DCPH1: variants seen among roughly 807,000 people sequenced by gnomAD.
The protein encoded by DCPH1 is damage-control phosphatase 1.
the DCPH1 span, among the ~76,000 whole-genome samples, chr6:151,455,964 C>T: frequency 6.6e-6 from 1 of 152,370 alleles, no homozygotes; most frequent in South Asian, 2.1e-4. Context: ...TGCCTTCAAG[C>T]ATCTGTTTAA....
the DCPH1 span, chr6:151,454,555 G>A: frequency 6.9e-7 from 1 of 1,449,708 alleles, no homozygotes; most frequent in Non-Finnish European, 9.7e-7. Context: ...TAGATCATTT[G>A]CATATCTTAC....
At chr6:151,466,465 A>C in the DCPH1 span, among the ~76,000 whole-genome samples, 1 of 152,130 alleles carries the variant, frequency 6.6e-6, no homozygotes, top group Non-Finnish European at 1.5e-5. Flanking sequence ...TCACACTGTC[A>C]CTGTGCTCCC....
At chr6:151,455,383 A>G in the DCPH1 span, among the ~76,000 whole-genome samples, 3 of 152,232 alleles carry the variant, frequency 2.0e-5, no homozygotes, top group Non-Finnish European at 4.4e-5. Flanking sequence ...CTTAGTATTT[A>G]TTGATCATTC....
the DCPH1 span, chr6:151,458,344 A>G: frequency 6.2e-7 from 1 of 1,611,860 alleles, no homozygotes; most frequent in South Asian, 1.1e-5. Context: ...GTGGAAGCTG[A>G]AAAGAAAGCT....
At chr6:151,452,605 C>T in the DCPH1 span, 2 of 1,599,486 alleles carry the variant, frequency 1.3e-6, no homozygotes, top group African/African-American at 1.4e-5. Flanking sequence ...AGCTTTTCTC[C>T]TCCCCACTTT....
chr6:151,465,255 G>T, the DCPH1 span, among the ~76,000 whole-genome samples: 18 of 152,268 alleles, frequency 1.2e-4, no homozygotes, highest in African/African-American at 3.9e-4. Context: ...CACATTATTA[G>T]AATCAGAACT....
the DCPH1 span, chr6:151,452,746 C>T: frequency 1.4e-6 from 1 of 694,750 alleles, no homozygotes; most frequent in East Asian, 3.2e-5. Flanking sequence ...CGCGGACTGG[C>T]TCGGAGGCGA....
the DCPH1 span, chr6:151,464,565 A>G: frequency 1.2e-5 from 20 of 1,611,454 alleles, no homozygotes; most frequent in Admixed American, 1.7e-5. Flanking sequence ...GATAAGAACT[A>G]TTGAAGACCT....
chr6:151,461,777 G>A, the DCPH1 span, among the ~76,000 whole-genome samples: 47 of 152,322 alleles, frequency 3.1e-4, no homozygotes, highest in East Asian at 7.9e-3. Flanking sequence ...GGAAGCTCAG[G>A]GAGTGATGAT....
At chr6:151,458,877 C>T in the DCPH1 span, among the ~76,000 whole-genome samples, 1 of 152,178 alleles carries the variant, frequency 6.6e-6, no homozygotes, top group Non-Finnish European at 1.5e-5. Context: ...GAGGTTCATG[C>T]TTGTAATCCC....
chr6:151,458,510 C>T, the DCPH1 span: 54 of 1,612,660 alleles, frequency 3.3e-5, 1 homozygote, highest in Non-Finnish European at 8.5e-6. Flanking sequence ...GATGGTTCTA[C>T]TCACCGTGGT....
the DCPH1 span, among the ~76,000 whole-genome samples, chr6:151,455,629 C>T: frequency 1.3e-5 from 2 of 152,256 alleles, no homozygotes; most frequent in African/African-American, 2.4e-5. Flanking sequence ...GTAGATGGAA[C>T]ATACAATTGG....
At chr6:151,464,259 TTAAAA>T in the DCPH1 span, among the ~76,000 whole-genome samples, 1 of 130,620 alleles carries the variant, frequency 7.7e-6, no homozygotes, top group Non-Finnish European at 1.6e-5. Context: ...TTTTTGACAA[TTAAAA>T]TGAGTTTGAG....
chr6:151,458,215 A>G, the DCPH1 span: 1 of 1,333,152 alleles, frequency 7.5e-7, no homozygotes, highest in Admixed American at 2.3e-5. Context: ...AAAGAAATAA[A>G]ATGTAGTTTT....
At chr6:151,461,301 A>C in the DCPH1 span, among the ~76,000 whole-genome samples, 1 of 152,218 alleles carries the variant, frequency 6.6e-6, no homozygotes, top group Admixed American at 6.5e-5. Flanking sequence ...GAGACTAAAA[A>C]TACCTAGAGC....
At chr6:151,464,180 G>C in the DCPH1 span, among the ~76,000 whole-genome samples, 1 of 152,264 alleles carries the variant, frequency 6.6e-6, no homozygotes, top group African/African-American at 2.4e-5. Context: ...ATCCCTGCTA[G>C]GTAGATAATT....
At chr6:151,461,736 G>A in the DCPH1 span, among the ~76,000 whole-genome samples, 1 of 152,198 alleles carries the variant, frequency 6.6e-6, no homozygotes, top group Non-Finnish European at 1.5e-5. Flanking sequence ...TAATTTATCT[G>A]GGGTGGGGCC....
At chr6:151,458,980 T>G in the DCPH1 span, among the ~76,000 whole-genome samples, 2 of 151,574 alleles carry the variant, frequency 1.3e-5, no homozygotes, top group African/African-American at 4.9e-5. Flanking sequence ...CTACTAAAAA[T>G]AAAAAAATTA....
chr6:151,460,043 A>G, the DCPH1 span, among the ~76,000 whole-genome samples: 1 of 152,074 alleles, frequency 6.6e-6, no homozygotes, highest in Non-Finnish European at 1.5e-5. Context: ...TTAATCTTAC[A>G]CACACACGTA....
Sources: gnomAD v4.1 joint callset for allele counts (sites outside exome capture counted in the v4.1 genomes callset) on GRCh38, gnomAD v4.1.1 for gene constraint, MANE v1.5 for transcripts, NCBI Gene and HGNC (gene_info 2026-07-23, HGNC 2026-07-21) for gene names.